TG: variants seen among roughly 807,000 people sequenced by gnomAD.
TG encodes thyroglobulin.
In TG, 270 loss-of-function variants were observed where a neutral mutation model predicts 324.7. The observed-to-expected ratio is 0.83, with a 90% CI of 0.75 to 0.92. The LOEUF is 0.92. TG is among the 40% of genes least tolerant of loss of function. TG has a pLI of 0.00. For missense variants in TG, 3,591 were observed against 3,456.4 expected (o/e 1.04, Z -0.98); for synonymous variants, 1,401 against 1,327.0 (o/e 1.06, Z -1.21).
intron 35 of TG, among the ~76,000 whole-genome samples, chr8:132,994,405 G>T (rs1045373228): frequency 2.6e-5 from 4 of 152,140 alleles, no homozygotes; most frequent in Non-Finnish European, 4.4e-5. Flanking sequence ...AAACACGCGG[G>T]GGAAATATTT....
intron 27 of TG, among the ~76,000 whole-genome samples, chr8:132,957,593 AC>A (rs1206963016): frequency 2.6e-5 from 4 of 152,110 alleles, no homozygotes; most frequent in African/African-American, 9.7e-5. Context: ...CGCAAGTCAG[AC>A]ACTGAGACTG....
At chr8:133,043,393 A>G (rs947873847) in intron 41 of TG, among the ~76,000 whole-genome samples, 2 of 152,162 alleles carry the variant, frequency 1.3e-5, no homozygotes, top group Non-Finnish European at 2.9e-5. Flanking sequence ...ACCTTTTCTC[A>G]TAACCAATAT....
intron 41 of TG, 152 bp from the exon 42 acceptor site, chr8:133,094,892 T>C (rs2256476): frequency 4.0e-6 from 4 of 991,112 alleles, no homozygotes; most frequent in Non-Finnish European, 6.4e-6. Context: ...GACCAATCCT[T>C]ATCTTCCCAT....
chr8:133,004,228 A>G (rs1183823797), intron 35 of TG, among the ~76,000 whole-genome samples: 2 of 152,180 alleles, frequency 1.3e-5, no homozygotes, highest in East Asian at 3.8e-4. Flanking sequence ...TACTCACTGA[A>G]AGAGTCACCA....
intron 26 of TG, among the ~76,000 whole-genome samples, chr8:132,942,653 C>A (rs1029967200): frequency 6.6e-6 from 1 of 152,102 alleles, no homozygotes; most frequent in South Asian, 2.1e-4. Flanking sequence ...ATTTATTCAT[C>A]GCTGCTGGCG....
At chr8:132,932,804 G>T (rs1822913526) in intron 23 of TG, among the ~76,000 whole-genome samples, 2 of 152,184 alleles carry the variant, frequency 1.3e-5, no homozygotes, top group Non-Finnish European at 2.9e-5. Context: ...TCAATCCCTT[G>T]CAGGGCTGCT....
intron 35 of TG, among the ~76,000 whole-genome samples, chr8:133,009,951 T>A (rs1453576863): frequency 6.6e-6 from 1 of 152,200 alleles, no homozygotes; most frequent in East Asian, 1.9e-4. Flanking sequence ...GCTGCTTTAT[T>A]TACCAGTCTA....
chr8:132,953,584 C>T (rs560191033), intron 27 of TG, among the ~76,000 whole-genome samples: 3 of 152,244 alleles, frequency 2.0e-5, no homozygotes, highest in Non-Finnish European at 4.4e-5. Flanking sequence ...TAATACCAGC[C>T]CCCAACAAAC....
At chr8:133,025,032 T>G (rs1328020118) in intron 40 of TG, among the ~76,000 whole-genome samples, 2 of 152,218 alleles carry the variant, frequency 1.3e-5, no homozygotes, top group Non-Finnish European at 2.9e-5. Context: ...CCTTCCTTCC[T>G]AGCCTGCCTC....
In TG at chr8:132,948,816, G is replaced by C. The variant is rs1369108132; in HGVS notation, c.5274G>C (p.Leu1758=). 2 of 1,614,056 alleles carry C rather than the reference G, an allele frequency of 1.2e-6. No individual in the cohort carries two copies. Among genetic ancestry groups the C allele is most frequent in the Non-Finnish European group, 8.5e-7 (1 of 1,180,020 alleles). Residue 1758 remains leucine (L), a synonymous_variant, in exon 27 of 48, where the codon CTG becomes CTC. Coordinates refer to ENST00000220616, the MANE Select transcript of TG (RefSeq NM_003235.5). The part of the protein sequence containing the change: ...ICGLLSSPSV[L]LCNVKDWMDP... The stretch of plus-strand genomic sequence containing the variant: ...GGTTGCTGAGCTCACCCAGTGTCCT[G>C]CTTTGTAATGTCAAAGACTGGATGG...
chr8:133,082,493 G>C (rs2131542653), intron 41 of TG, among the ~76,000 whole-genome samples: 1 of 152,332 alleles, frequency 6.6e-6, no homozygotes, highest in East Asian at 1.9e-4. Flanking sequence ...GGAGCTCACA[G>C]ATGCCCATGG....
intron 34 of TG, among the ~76,000 whole-genome samples, chr8:132,973,240 T>C (rs994489180): frequency 2.0e-5 from 3 of 152,272 alleles, no homozygotes; most frequent in South Asian, 2.1e-4. Context: ...TCAATAGATA[T>C]AGACTCTGGC....
intron 34 of TG, among the ~76,000 whole-genome samples, chr8:132,978,752 A>G (rs1459047883): frequency 6.6e-6 from 1 of 152,190 alleles, no homozygotes; most frequent in African/African-American, 2.4e-5. Context: ...AGGAGGTAGC[A>G]TGTCCCTGCC....
At chr8:132,944,664 C>G (rs1217960240) in intron 26 of TG, among the ~76,000 whole-genome samples, 1 of 152,142 alleles carries the variant, frequency 6.6e-6, no homozygotes, top group Non-Finnish European at 1.5e-5. Flanking sequence ...GCTCTACTCC[C>G]CCTCCCACCC....
intron 29 of TG, 82 bp from the exon 30 acceptor site, chr8:132,966,478 G>GTGTGTGTT: frequency 6.9e-7 from 1 of 1,445,472 alleles, no homozygotes; most frequent in East Asian, 2.3e-5. Flanking sequence ...GTGTGTGTGT[G>GTGTGTGTT]TGTGTGTGTT....
At chr8:133,078,773 C>A (rs962716769) in intron 41 of TG, among the ~76,000 whole-genome samples, 1 of 152,212 alleles carries the variant, frequency 6.6e-6, no homozygotes, top group Non-Finnish European at 1.5e-5. Context: ...CTTTAGCCAA[C>A]ATCTATTGTA....
chr8:133,005,725 C>T (rs1008569711), intron 35 of TG, among the ~76,000 whole-genome samples: 1 of 152,156 alleles, frequency 6.6e-6, no homozygotes, highest in Non-Finnish European at 1.5e-5. Flanking sequence ...GTGTCAGCTG[C>T]TGGGTGTGTT....
At chr8:133,023,432 T>A (rs1835733643) in intron 40 of TG, among the ~76,000 whole-genome samples, 1 of 152,110 alleles carries the variant, frequency 6.6e-6, no homozygotes, top group Admixed American at 6.5e-5. Flanking sequence ...TTCTTGGTGG[T>A]AAAATAAGGA....
chr8:132,900,800 G>T (rs1817813509), intron 15 of TG, among the ~76,000 whole-genome samples: 1 of 152,220 alleles, frequency 6.6e-6, no homozygotes, highest in Non-Finnish European at 1.5e-5. Flanking sequence ...TTTGCATCTG[G>T]TGCTGGTGTG....
Sources: gnomAD v4.1 joint callset for allele counts (sites outside exome capture counted in the v4.1 genomes callset) on GRCh38, gnomAD v4.1.1 for gene constraint, MANE v1.5 for transcripts, NCBI Gene and HGNC (gene_info 2026-07-23, HGNC 2026-07-21) for gene names.